The following HDAC9 variants were observed in gnomAD, a reference collection of about 807,000 sequenced individuals.
The protein encoded by HDAC9 is histone deacetylase 9.
In HDAC9, 41 loss-of-function variants were observed where a neutral mutation model predicts 139.4. That is an observed-to-expected ratio of 0.29 (90% CI 0.23 to 0.38). The LOEUF is 0.38. Among genes scored for constraint, HDAC9 ranks in the 10% least tolerant of loss-of-function variants. HDAC9 has a pLI of 1.00. For missense variants in HDAC9, 1,147 were observed against 1,297.0 expected (o/e 0.88, Z 1.78); for synonymous variants, 517 against 476.2 (o/e 1.09, Z -1.12).
intron 1 of HDAC9, among the ~76,000 whole-genome samples, chr7:18,131,394 T>C (rs984854688): frequency 7.2e-5 from 11 of 152,202 alleles, no homozygotes; most frequent in Non-Finnish European, 1.5e-4. Flanking sequence ...CAAAATGTTA[T>C]GGTTAAAGAA....
At chr7:18,355,540 G>A (rs1783189531) in intron 1 of HDAC9, among the ~76,000 whole-genome samples, 1 of 152,132 alleles carries the variant, frequency 6.6e-6, no homozygotes, top group Admixed American at 6.6e-5. Context: ...AAAACCTTGG[G>A]ATGTGAAAGC....
At chr7:18,115,666 A>G (rs1304781572) in intron 1 of HDAC9, among the ~76,000 whole-genome samples, 1 of 152,226 alleles carries the variant, frequency 6.6e-6, no homozygotes, top group African/African-American at 2.4e-5. Context: ...AACTCATAGC[A>G]GCTATACTGT....
At chr7:18,799,338 G>C (rs185675008) in intron 17 of HDAC9, among the ~76,000 whole-genome samples, 54 of 152,216 alleles carry the variant, frequency 3.5e-4, no homozygotes, top group Middle Eastern at 3.4e-3. Flanking sequence ...ATACTGTTTT[G>C]TTTAAAATGT....
At chr7:18,625,921 T>G (rs554472516) in intron 6 of HDAC9, among the ~76,000 whole-genome samples, 2 of 116,680 alleles carry the variant, frequency 1.7e-5, no homozygotes, top group African/African-American at 7.1e-5. Context: ...CACTCCAGCC[T>G]GGGCAACAGA....
intron 17 of HDAC9, among the ~76,000 whole-genome samples, chr7:18,800,044 C>G (rs1184259804): frequency 6.6e-6 from 1 of 152,090 alleles, no homozygotes; most frequent in African/African-American, 2.4e-5. Flanking sequence ...CTCCAAAAAT[C>G]CTCAATAAAA....
In HDAC9 at chr7:18,688,181, A is replaced by T. The variant is rs528159121; in HGVS notation, c.1731+21705A>T. ...CTACTCCATTACTCTTTTAGTTTTCAACAAGTGGAATAAAAAATAGGATTT... is the reference window on the plus strand; with the variant it reads ...CTACTCCATTACTCTTTTAGTTTTCTACAAGTGGAATAAAAAATAGGATTT... On this transcript the variant is annotated intron_variant, in intron 12 of 25. Transcript: ENST00000686413. Among the ~76,000 whole-genome samples, 4 of 151,958 alleles carry T rather than the reference A, an allele frequency of 2.6e-5. No homozygotes were observed. In the East Asian group the frequency reaches 5.8e-4, roughly 22 times the overall value.
intron 13 of HDAC9, among the ~76,000 whole-genome samples, chr7:18,728,955 C>T (rs118037722): frequency 0.019 from 2,845 of 152,234 alleles, 47 homozygotes; most frequent in Admixed American, 0.028. Context: ...TAGCCATTGC[C>T]TCTGACTCTT....
chr7:18,646,043 A>G (rs1428477483), intron 9 of HDAC9, among the ~76,000 whole-genome samples: 2 of 152,206 alleles, frequency 1.3e-5, no homozygotes, highest in Non-Finnish European at 1.5e-5. Context: ...TTCCACATGA[A>G]ACATTTGTAA....
intron 12 of HDAC9, among the ~76,000 whole-genome samples, chr7:18,693,704 A>G (rs1782832632): frequency 6.6e-6 from 1 of 152,150 alleles, no homozygotes; most frequent in Admixed American, 6.6e-5. Context: ...TAACCTCTTT[A>G]TGTACTCCGG....
chr7:18,228,919 T>C (rs1167116101), intron 2 of HDAC9, among the ~76,000 whole-genome samples: 1 of 152,164 alleles, frequency 6.6e-6, no homozygotes, highest in Non-Finnish European at 1.5e-5. Context: ...AAAGGGACTT[T>C]ATGTGTGCTG....
At chr7:18,484,173 CAAAAAAAA>C (rs1177599086) in intron 1 of HDAC9, among the ~76,000 whole-genome samples, 1 of 63,248 alleles carries the variant, frequency 1.6e-5, no homozygotes, top group South Asian at 5.5e-4. Flanking sequence ...CCTTATCTCT[CAAAAAAAA>C]AAAAAAAAAA....
intron 2 of HDAC9, chr7:18,260,426 C>G (rs934004337): frequency 6.7e-6 from 1 of 148,192 alleles, no homozygotes; most frequent in African/African-American, 2.5e-5. Flanking sequence ...TCATGCCATT[C>G]TCCTGCCTCA....
At chr7:18,273,198 C>T (rs954077924) in intron 2 of HDAC9, among the ~76,000 whole-genome samples, 23 of 151,140 alleles carry the variant, frequency 1.5e-4, no homozygotes, top group African/African-American at 5.1e-4. Context: ...TCCTGAGTAG[C>T]TAGGACTACA....
chr7:18,794,118 G>A (rs886226883), intron 17 of HDAC9, among the ~76,000 whole-genome samples: 4 of 152,278 alleles, frequency 2.6e-5, no homozygotes, highest in Non-Finnish European at 2.9e-5. Context: ...TTTTAACAGT[G>A]CTATTTAAAG....
intron 2 of HDAC9, among the ~76,000 whole-genome samples, chr7:18,210,834 T>TA: frequency 6.6e-6 from 1 of 152,346 alleles, no homozygotes; most frequent in African/African-American, 2.4e-5. Flanking sequence ...TAACACTTAA[T>TA]CTTCCATGAC....
intron 6 of HDAC9, among the ~76,000 whole-genome samples, chr7:18,626,890 T>C (rs1464413780): frequency 6.6e-6 from 1 of 152,164 alleles, no homozygotes; most frequent in Non-Finnish European, 1.5e-5. Context: ...TTGCAGACAC[T>C]CAGCCCCAGC....
At chr7:18,707,854 A>AGTGTGTGTGT (rs61496259) in intron 12 of HDAC9, among the ~76,000 whole-genome samples, 26,333 of 149,532 alleles carry the variant, frequency 0.18, 2,358 homozygotes, top group East Asian at 0.27. Flanking sequence ...AGGGGAAAGG[A>AGTGTGTGTGT]GTGTGTGTGT....
At position 18,860,080 on chromosome 7, in the gene HDAC9, C is replaced by T. The variant is rs933434689; in HGVS notation, c.2685-14398C>T. Among the ~76,000 whole-genome samples, 17 of 151,446 alleles carry T rather than the reference C, an allele frequency of 1.1e-4. No individual in the cohort carries two copies. In the Middle Eastern group the frequency reaches 0.01, roughly 92 times the overall value. On this transcript the variant is annotated intron_variant, in intron 21 of 25. Coordinates refer to ENST00000686413, the MANE Select transcript of HDAC9 (RefSeq NM_178425.4). ...TACTAAGCTACACACTGCACCCCACCGAAAGGAGAGAAATCCCTATGACTG... is the reference window on the plus strand; with the variant it reads ...TACTAAGCTACACACTGCACCCCACTGAAAGGAGAGAAATCCCTATGACTG...
chr7:18,642,060 C>T lies in HDAC9; in HGVS notation c.913-2611C>T, dbSNP rs116718769. 2.3e-3 allele frequency among the ~76,000 whole-genome samples: 354 copies of T among 152,178 alleles called. 3 individuals are homozygous for T. The highest frequency in any genetic ancestry group is 8.2e-3 in the African/African-American group (341 of 41,532). ...ATAAATGCTATGCCTGTTTCCTTAT[C>T]TGTAATCCAAGGAGATAAGCTAAGC... is the stretch of plus-strand genomic sequence containing the variant. On this transcript the variant is annotated intron_variant, in intron 8 of 25. Transcript: ENST00000686413.
Sources: allele counts gnomAD v4.1 joint callset (sites outside exome capture counted in the v4.1 genomes callset), GRCh38; gene constraint gnomAD v4.1.1; transcripts MANE v1.5; gene names NCBI Gene and HGNC (gene_info 2026-07-23, HGNC 2026-07-21).